The following C10orf67 variants were observed in gnomAD, a reference collection of about 807,000 sequenced individuals.
The protein encoded by C10orf67 is uncharacterized protein C10orf67, mitochondrial.
C10orf67 carries 60 observed loss-of-function variants against 35.6 expected under a neutral mutation model. The ratio of observed to expected loss-of-function variants is 1.68; its 90% CI spans 1.37 to 2.09. The LOEUF (loss-of-function observed/expected upper bound fraction) is 2.09, where lower values mean the gene tolerates loss of function less well. C10orf67 is among the 30% of genes most tolerant of loss of function. The pLI is 0.00. For synonymous variants in C10orf67, 167 were observed against 115.8 expected (o/e 1.44, Z -2.84); for missense variants, 474 against 330.2 (o/e 1.44, Z -3.38).
At chr10:23,294,445 C>G (rs1413407518) in intron 5 of C10orf67, among the ~76,000 whole-genome samples, 1 of 152,110 alleles carries the variant, frequency 6.6e-6, no homozygotes, top group Non-Finnish European at 1.5e-5. Context: ...AGGCTAACCT[C>G]CTTTATAAAT....
At chr10:23,335,701 A>G (rs1440958624) in intron 1 of C10orf67, among the ~76,000 whole-genome samples, 1 of 152,236 alleles carries the variant, frequency 6.6e-6, no homozygotes, top group East Asian at 1.9e-4. Context: ...AGTTAATCCC[A>G]CAAAATTTTC....
rs114416929 is a variant in C10orf67 at position 23,259,042 on chromosome 10, C to T, written c.1200+7220G>A. Among the ~76,000 whole-genome samples the T allele has an allele frequency of 5.3e-3, 814 of 152,214 alleles. 12 individuals carry two copies. Among genetic ancestry groups the T allele is most frequent in the African/African-American group, 0.019 (772 of 41,526 alleles). The stretch of plus-strand genomic sequence containing the variant: ...TCTACCTTCATGTTCTAGTGGAAAA[C>T]GATGGTAAAATCAAATGTCAGTGAG... On this transcript the variant is annotated intron_variant, in intron 10 of 15. Transcript: ENST00000636213.
intron 15 of C10orf67, among the ~76,000 whole-genome samples, chr10:23,215,037 A>G (rs542749458): frequency 6.6e-6 from 1 of 152,010 alleles, no homozygotes; most frequent in Non-Finnish European, 1.5e-5. Flanking sequence ...AATAGAAAAC[A>G]TCAGGGGCAG....
intron 10 of C10orf67, among the ~76,000 whole-genome samples, chr10:23,253,672 A>C (rs948881051): frequency 1.3e-5 from 2 of 152,188 alleles, no homozygotes; most frequent in Non-Finnish European, 2.9e-5. Context: ...TTAAAAAAAA[A>C]CTGTGTTTAA....
At chr10:23,332,960 A>AT in intron 2 of C10orf67, 102 bp downstream of exon 2, 1 of 1,208,564 alleles carries the variant, frequency 8.3e-7, no homozygotes. Flanking sequence ...AGATGCTAAC[A>AT]TTTTAAAAAT....
chr10:23,298,899 C>T (rs1240210052), intron 5 of C10orf67, among the ~76,000 whole-genome samples: 4 of 152,178 alleles, frequency 2.6e-5, no homozygotes, highest in Admixed American at 2.6e-4. Context: ...TGGCTCAAGT[C>T]TTGGGCTAAT....
intron 12 of C10orf67, among the ~76,000 whole-genome samples, chr10:23,241,592 T>C (rs1016891117): frequency 6.6e-6 from 1 of 152,192 alleles, no homozygotes; most frequent in Admixed American, 6.5e-5. Flanking sequence ...TAAAAAGAAC[T>C]TTGCAGATGT....
At chr10:23,314,209 T>A (rs997620405) in intron 4 of C10orf67, among the ~76,000 whole-genome samples, 1 of 146,332 alleles carries the variant, frequency 6.8e-6, no homozygotes, top group Non-Finnish European at 1.5e-5. Context: ...CAACAACGAA[T>A]ACCCAAACAA....
intron 8 of C10orf67, among the ~76,000 whole-genome samples, chr10:23,269,966 G>C (rs1225890151): frequency 6.6e-6 from 1 of 152,028 alleles, no homozygotes. Flanking sequence ...AATACATATA[G>C]ATGCCCTGAA....
chr10:23,235,274 A>G (rs533414938), intron 13 of C10orf67, among the ~76,000 whole-genome samples: 2 of 152,302 alleles, frequency 1.3e-5, no homozygotes, highest in African/African-American at 2.4e-5. Flanking sequence ...AGAATGTGAG[A>G]TATTGTCACA....
chr10:23,338,340 A>AGT, intron 1 of C10orf67, among the ~76,000 whole-genome samples: 1 of 152,104 alleles, frequency 6.6e-6, no homozygotes, highest in Non-Finnish European at 1.5e-5. Flanking sequence ...ACAGGTGCTG[A>AGT]GTGTCTAACT....
intron 2 of C10orf67, among the ~76,000 whole-genome samples, chr10:23,326,868 G>T (rs1339119700): frequency 6.6e-6 from 1 of 152,054 alleles, no homozygotes; most frequent in African/African-American, 2.4e-5. Flanking sequence ...GGGAAAGAAC[G>T]ATGAGCAAAG....
At chr10:23,262,157 G>T (rs542974629) in intron 10 of C10orf67, among the ~76,000 whole-genome samples, 2 of 152,300 alleles carry the variant, frequency 1.3e-5, no homozygotes, top group Non-Finnish European at 2.9e-5. Context: ...AGCACTGGCA[G>T]ATGTGACGAT....
intron 2 of C10orf67, among the ~76,000 whole-genome samples, chr10:23,326,967 C>A (rs1382075627): frequency 6.6e-6 from 1 of 151,910 alleles, no homozygotes; most frequent in East Asian, 1.9e-4. Flanking sequence ...GAGAAAACAA[C>A]TGAAATACTT....
At chr10:23,225,892 G>A (rs542845034) in intron 13 of C10orf67, among the ~76,000 whole-genome samples, 2 of 152,160 alleles carry the variant, frequency 1.3e-5, no homozygotes, top group Non-Finnish European at 2.9e-5. Context: ...GACCTACAAA[G>A]AGACTTAGAC....
intron 4 of C10orf67, among the ~76,000 whole-genome samples, chr10:23,306,251 C>T (rs1035971185): frequency 2.0e-5 from 3 of 151,880 alleles, no homozygotes; most frequent in Admixed American, 1.3e-4. Flanking sequence ...ACAGGCTGGG[C>T]GCGGTGGCTC....
At chr10:23,230,280 T>C (rs1010993830) in intron 13 of C10orf67, among the ~76,000 whole-genome samples, 6 of 152,154 alleles carry the variant, frequency 3.9e-5, no homozygotes, top group Non-Finnish European at 5.9e-5. Context: ...TGAAACCAGA[T>C]GTCTATCTCT....
intron 13 of C10orf67, among the ~76,000 whole-genome samples, chr10:23,230,050 C>G (rs1841865178): frequency 6.6e-6 from 1 of 151,852 alleles, no homozygotes; most frequent in Non-Finnish European, 1.5e-5. Context: ...AGCTGGGGCA[C>G]TCTTGCAAAA....
intron 4 of C10orf67, chr10:23,318,808 A>G (rs1461809768): frequency 4.2e-6 from 3 of 722,230 alleles, no homozygotes; most frequent in Non-Finnish European, 5.2e-6. Context: ...GGGCAAGTCC[A>G]GGGTTACTTT....
Sources: gnomAD v4.1 joint callset for allele counts (sites outside exome capture counted in the v4.1 genomes callset) on GRCh38, gnomAD v4.1.1 for gene constraint, MANE v1.5 for transcripts, NCBI Gene and HGNC (gene_info 2026-07-23, HGNC 2026-07-21) for gene names.